Variants in KITLG observed in about 807,000 individuals in gnomAD.
KITLG encodes c-Kit ligand.
A neutral mutation model predicts 34.1 loss-of-function variants in KITLG; 13 were observed. That is an observed-to-expected ratio of 0.38 (90% CI 0.25 to 0.61). KITLG has a LOEUF of 0.61. KITLG is among the 20% of genes least tolerant of loss of function. The pLI, the probability that KITLG is intolerant of heterozygous loss-of-function variation, is 0.60. For synonymous variants in KITLG, 110 were observed against 104.0 expected (o/e 1.06, Z -0.35); for missense variants, 292 against 318.9 (o/e 0.92, Z 0.64).
intron 1 of KITLG, among the ~76,000 whole-genome samples, chr12:88,564,555 A>C (rs973090326): frequency 3.3e-5 from 5 of 152,214 alleles, no homozygotes; most frequent in Non-Finnish European, 7.3e-5. Flanking sequence ...CATTTTGTAC[A>C]TCTACTTCAT....
At chr12:88,580,148 G>A in intron 1 of KITLG, 116 bp downstream of exon 1, 1 of 1,111,508 alleles carries the variant, frequency 9.0e-7, no homozygotes, top group East Asian at 2.6e-5. Context: ...TGTCTCACCC[G>A]GCAGGCACAG....
At chr12:88,545,902 G>A (rs767361291) in intron 1 of KITLG, 37 bp from the exon 2 acceptor site, 38 of 1,210,476 alleles carry the variant, frequency 3.1e-5, no homozygotes, top group Non-Finnish European at 4.7e-5. Context: ...GTGATCATCA[G>A]TTAAGATCTG....
At chr12:88,510,062 T>C (rs1180728257) in intron 6 of KITLG, among the ~76,000 whole-genome samples, 3 of 152,222 alleles carry the variant, frequency 2.0e-5, no homozygotes, top group Admixed American at 1.3e-4. Context: ...ATATTAATTA[T>C]ATCTCCTTAT....
At chr12:88,528,984 A>G (rs764828221) in intron 3 of KITLG, among the ~76,000 whole-genome samples, 24 of 152,202 alleles carry the variant, frequency 1.6e-4, no homozygotes, top group Non-Finnish European at 3.1e-4. Flanking sequence ...GTTTCAAAAT[A>G]ACTAAAAGAG....
intron 3 of KITLG, among the ~76,000 whole-genome samples, chr12:88,528,817 CT>C (rs1395771306): frequency 1.3e-5 from 2 of 152,064 alleles, no homozygotes; most frequent in Non-Finnish European, 2.9e-5. Context: ...CATGGGTGTT[CT>C]TTAAATATTC....
At chr12:88,507,765 T>C (rs1869119116) in intron 6 of KITLG, among the ~76,000 whole-genome samples, 1 of 152,126 alleles carries the variant, frequency 6.6e-6, no homozygotes, top group Non-Finnish European at 1.5e-5. Context: ...CTAAGGGGAA[T>C]GGTTGAAGGC....
chr12:88,533,330 G>A (rs1870174725), intron 2 of KITLG, among the ~76,000 whole-genome samples: 1 of 152,148 alleles, frequency 6.6e-6, no homozygotes, highest in Non-Finnish European at 1.5e-5. Flanking sequence ...TTTATACAAT[G>A]AAGATCAAGA....
intron 1 of KITLG, among the ~76,000 whole-genome samples, chr12:88,570,429 T>A (rs746442230): frequency 5.3e-5 from 8 of 152,030 alleles, no homozygotes; most frequent in Admixed American, 2.0e-4. Flanking sequence ...CAGAAGCAAC[T>A]CATCACTCAA....
chr12:88,507,796 C>T (rs575995970), intron 6 of KITLG, among the ~76,000 whole-genome samples: 11 of 152,222 alleles, frequency 7.2e-5, no homozygotes, highest in African/African-American at 2.4e-4. Flanking sequence ...TCCCATACTA[C>T]GTCTAAATAA....
At chr12:88,516,009 A>G (rs1412742386) in intron 5 of KITLG, among the ~76,000 whole-genome samples, 2 of 151,760 alleles carry the variant, frequency 1.3e-5, no homozygotes, top group Admixed American at 6.6e-5. Context: ...AAAAAATTTG[A>G]GAAGGACCAT....
chr12:88,556,208 A>C (rs2120939297), intron 1 of KITLG, among the ~76,000 whole-genome samples: 1 of 131,566 alleles, frequency 7.6e-6, no homozygotes, highest in East Asian at 2.3e-4. Flanking sequence ...AATAAGTTTC[A>C]AAGAATAAGC....
chr12:88,573,263 G>A (rs1871716286), intron 1 of KITLG, among the ~76,000 whole-genome samples: 1 of 152,098 alleles, frequency 6.6e-6, no homozygotes, highest in Admixed American at 6.5e-5. Context: ...GGGTGACAAG[G>A]CCTTTATAAC....
At chr12:88,557,812 G>A (rs902751694) in intron 1 of KITLG, among the ~76,000 whole-genome samples, 7 of 152,012 alleles carry the variant, frequency 4.6e-5, no homozygotes, top group Admixed American at 6.5e-5. Context: ...CACGGGCACC[G>A]TTTACTCTTA....
intron 3 of KITLG, among the ~76,000 whole-genome samples, chr12:88,528,099 T>C (rs911409721): frequency 2.6e-5 from 4 of 152,214 alleles, no homozygotes; most frequent in Non-Finnish European, 4.4e-5. Context: ...TACCAAGGTA[T>C]TCATTAGGGC....
intron 9 of KITLG, among the ~76,000 whole-genome samples, chr12:88,501,967 A>C (rs1868877943): frequency 6.6e-6 from 1 of 152,166 alleles, no homozygotes; most frequent in Non-Finnish European, 1.5e-5. Flanking sequence ...AAAAGGGCAC[A>C]AAATGTTCAT....
intron 3 of KITLG, among the ~76,000 whole-genome samples, chr12:88,531,436 T>C (rs11104931): frequency 0.078 from 11,930 of 152,254 alleles, 511 homozygotes; most frequent in Non-Finnish European, 0.1. Flanking sequence ...TATTGCACAA[T>C]GGTAAGGTTT....
intron 1 of KITLG, among the ~76,000 whole-genome samples, chr12:88,555,499 A>G (rs1317842639): frequency 6.6e-6 from 1 of 152,246 alleles, no homozygotes; most frequent in Non-Finnish European, 1.5e-5. Context: ...GGCCAGTTAG[A>G]TAATAAAACT....
At chr12:88,578,771 G>T (rs1390868812) in intron 1 of KITLG, among the ~76,000 whole-genome samples, 2 of 152,140 alleles carry the variant, frequency 1.3e-5, no homozygotes, top group African/African-American at 4.8e-5. Flanking sequence ...TCTTCCCCCA[G>T]ATCTCACCAC....
chr12:88,522,927 G>A (rs779479756), intron 3 of KITLG, among the ~76,000 whole-genome samples: 1 of 152,122 alleles, frequency 6.6e-6, no homozygotes, highest in Admixed American at 6.5e-5. Context: ...CTTTTCACAG[G>A]AGTTGGTGAA....
Sources: gnomAD v4.1 joint callset for allele counts (sites outside exome capture counted in the v4.1 genomes callset) on GRCh38, gnomAD v4.1.1 for gene constraint, MANE v1.5 for transcripts, NCBI Gene and HGNC (gene_info 2026-07-23, HGNC 2026-07-21) for gene names.